CASP8: variants seen among roughly 807,000 people sequenced by gnomAD.
CASP8 encodes caspase 8, also known as caspase-8.
A neutral mutation model predicts 46.3 loss-of-function variants in CASP8; 24 were observed. The observed-to-expected ratio is 0.52, with a 90% confidence interval of 0.38 to 0.73. The LOEUF is 0.73. Among genes scored for constraint, CASP8 ranks in the 30% least tolerant of loss-of-function variants. The pLI, the probability that CASP8 is intolerant of heterozygous loss-of-function variation, is 0.00. For synonymous variants in CASP8, 188 were observed against 200.4 expected (o/e 0.94, Z 0.52); for missense variants, 460 against 559.0 (o/e 0.82, Z 1.79).
rs1434840023 is a variant in CASP8 at position 201,286,648 on chromosome 2, CT to C, written c.*55del. 6.7e-7 allele frequency: 1 copy of C among 1,497,362 alleles called. No individual in the cohort carries two copies. Among genetic ancestry groups the C allele is most frequent in the African/African-American group, 1.4e-5 (1 of 71,942 alleles). 92.8% of individuals were successfully genotyped at this position (1,497,362 alleles called of 1,614,324 possible). On this transcript the variant is annotated 3_prime_UTR_variant, in exon 9 of 9. Transcript: ENST00000673742. ...TTTGTTTTTTTGAGACAGAATCTCGCTCTGTCGCCCAGGCTGGAGTGCAGTG... is the reference window on the plus strand; with the variant it reads ...TTTGTTTTTTTGAGACAGAATCTCGCCTGTCGCCCAGGCTGGAGTGCAGTG...
intron 2 of CASP8, among the ~76,000 whole-genome samples, chr2:201,247,246 CTAGAAT>C (rs1269092812): frequency 6.8e-6 from 1 of 146,288 alleles, no homozygotes; most frequent in Non-Finnish European, 1.5e-5. Flanking sequence ...CTATCTGATT[CTAGAAT>C]TATCTAGGCT....
chr2:201,242,753 C>A (rs532509892), intron 2 of CASP8: 3 of 152,132 alleles, frequency 2.0e-5, no homozygotes, highest in African/African-American at 7.2e-5. Context: ...AAGCTAGAAG[C>A]ACCATACTTC....
intron 7 of CASP8, among the ~76,000 whole-genome samples, chr2:201,280,000 A>C (rs2125365667): frequency 6.6e-6 from 1 of 152,284 alleles, no homozygotes; most frequent in African/African-American, 2.4e-5. Context: ...TGCAAACAAC[A>C]AGAAAAACAT....
chr2:201,265,524 C>T (rs903731218), intron 1 of CASP8, among the ~76,000 whole-genome samples: 2 of 152,140 alleles, frequency 1.3e-5, no homozygotes, highest in Non-Finnish European at 2.9e-5. Flanking sequence ...CTAATAGGTC[C>T]TAGTACGTCC....
intron 6 of CASP8, among the ~76,000 whole-genome samples, chr2:201,275,287 G>A (rs1948563111): frequency 6.6e-6 from 1 of 152,124 alleles, no homozygotes; most frequent in Admixed American, 6.5e-5. Context: ...TGGAGAAAGA[G>A]TCTAGCAGGA....
chr2:201,284,625 C>G (rs1221189466), intron 7 of CASP8, among the ~76,000 whole-genome samples, 191 bp from the exon 8 acceptor site: 1 of 11,098 alleles, frequency 9.0e-5, no homozygotes, highest in Non-Finnish European at 2.5e-4. Flanking sequence ...GAGATGGCAG[C>G]AGTACCGTCC....
chr2:201,281,683 GTT>G (rs1361802832), intron 7 of CASP8: 2 of 397,190 alleles, frequency 5.0e-6, no homozygotes, highest in African/African-American at 4.3e-5. Context: ...TTCAAAAATT[GTT>G]TTGTTTTTTT....
intron 2 of CASP8, among the ~76,000 whole-genome samples, chr2:201,251,764 G>A (rs374841925): frequency 1.3e-5 from 2 of 151,858 alleles, no homozygotes; most frequent in African/African-American, 2.4e-5. Flanking sequence ...TTAGCTGGGC[G>A]TGGTGGTCAT....
chr2:201,271,200 A>G (rs1948221354), intron 2 of CASP8, among the ~76,000 whole-genome samples: 2 of 152,248 alleles, frequency 1.3e-5, no homozygotes, highest in African/African-American at 4.8e-5. Flanking sequence ...TCCAAAAGGC[A>G]AAGCATTTTG....
chr2:201,247,020 C>T (rs940494413), intron 2 of CASP8, among the ~76,000 whole-genome samples: 1 of 151,606 alleles, frequency 6.6e-6, no homozygotes, highest in Non-Finnish European at 1.5e-5. Flanking sequence ...GATGGTGAAA[C>T]CCTGTCTCTA....
In CASP8 at chr2:201,285,061, G is replaced by A. The variant is rs202185417; in HGVS notation, c.1048G>A (p.Gly350Arg). The change falls in exon 8 of 9, where the codon GGA (glycine) becomes AGA (arginine). Residue 350 changes from glycine to arginine, a missense_variant. Physicochemically the swap from Gly to Arg is moderately radical, Grantham distance 125. Coordinates refer to ENST00000673742, the MANE Select transcript of CASP8 (RefSeq NM_001372051.1). ...FTGLKCPSLA[G>R]KPKVFFIQAC... ...TGGTTTGAAGTGCCCTTCCCTTGCT[G>A]GAAAACCCAAAGTGTTTTTTATTCA... 1.9e-5 allele frequency: 31 copies of A among 1,614,172 alleles called. No individual in the cohort carries two copies. Among genetic ancestry groups the A allele is most frequent in the South Asian group, 8.8e-5 (8 of 91,080 alleles).
At position 201,287,186 on chromosome 2, in the gene CASP8, T is replaced by G. The variant is rs2125517699; in HGVS notation, c.*592T>G. ...TCAACTATAAGCCCACTGTTAATATTCTATTAACTTTAATTCTCTTTCAAA... is the reference window on the plus strand; with the variant it reads ...TCAACTATAAGCCCACTGTTAATATGCTATTAACTTTAATTCTCTTTCAAA... On this transcript the variant is annotated 3_prime_UTR_variant, in exon 9 of 9. Coordinates refer to ENST00000673742, the MANE Select transcript of CASP8 (RefSeq NM_001372051.1). 1 of 155,866 alleles carries G rather than the reference T, an allele frequency of 6.4e-6. No homozygotes were observed. The highest frequency in any genetic ancestry group is 2.4e-5 in the African/African-American group (1 of 41,604). 9.7% of individuals were successfully genotyped at this position (155,866 alleles called of 1,614,324 possible). A position where few individuals can be genotyped will look rare whatever the true frequency, so the allele number is the denominator to read the frequency against.
At position 201,272,495 on chromosome 2, in the gene CASP8, T is replaced by C; in HGVS notation, c.412-143T>C. 1.2e-6 allele frequency: 1 copy of C among 868,304 alleles called. No homozygotes were observed. Among genetic ancestry groups the C allele is most frequent in the Admixed American group, 2.1e-5 (1 of 46,568 alleles). The allele number at this position is 868,304 out of a possible 1,614,324, so 53.8% of individuals were successfully genotyped here. On this transcript the variant is annotated intron_variant, in intron 3 of 8. Transcript: ENST00000673742. The surrounding 1 kb of genome is among the most constrained non-coding windows in gnomAD (Gnocchi z 4.4). ...CGCTTCCCTAGTAGCCTGCTGGCTG[T>C]GAGAGACCAGCAGAAACTGTCAGAA... is the stretch of plus-strand genomic sequence containing the variant.
chr2:201,258,367 G>A, upstream of CASP8: 3 of 1,614,018 alleles, frequency 1.9e-6, no homozygotes, highest in Non-Finnish European at 2.5e-6. Context: ...GATGGTGCCA[G>A]GAAAGGGTGG....
At chr2:201,268,430 AAT>A (rs1947981719) in intron 2 of CASP8, among the ~76,000 whole-genome samples, 1 of 152,124 alleles carries the variant, frequency 6.6e-6, no homozygotes, top group African/African-American at 2.4e-5. Flanking sequence ...TCACGCCTGT[AAT>A]CCCAGCTACT....
intron 2 of CASP8, chr2:201,269,610 G>A: frequency 6.2e-7 from 1 of 1,603,512 alleles, no homozygotes; most frequent in Non-Finnish European, 8.5e-7. Context: ...AATAAGGCAG[G>A]ATCTCTCTTA....
chr2:201,234,161 A>T (rs993641309), intron 2 of CASP8: 2 of 152,334 alleles, frequency 1.3e-5, no homozygotes, highest in African/African-American at 4.8e-5. Flanking sequence ...GAAGTGGTGA[A>T]CGCTATTACT....
chr2:201,270,300 C>A (rs1422893882), intron 2 of CASP8, among the ~76,000 whole-genome samples: 2 of 152,160 alleles, frequency 1.3e-5, no homozygotes, highest in Admixed American at 1.3e-4. Context: ...TTAAGTACTT[C>A]ACATAAACTT....
chr2:201,262,332 A>G (rs981379218), intron 1 of CASP8: 5 of 151,888 alleles, frequency 3.3e-5, no homozygotes, highest in African/African-American at 1.2e-4. Flanking sequence ...ATGGATATAT[A>G]GATTACAAAC....
Sources: allele counts gnomAD v4.1 joint callset (sites outside exome capture counted in the v4.1 genomes callset), GRCh38; gene constraint gnomAD v4.1.1; non-coding constraint Gnocchi (gnomAD v3.1); transcripts MANE v1.5; gene names NCBI Gene and HGNC (gene_info 2026-07-23, HGNC 2026-07-21).